The following CTNNA3 variants were observed in gnomAD, a reference collection of about 807,000 sequenced individuals.
CTNNA3 encodes the protein catenin alpha 3.
A neutral mutation model predicts 95.7 loss-of-function variants in CTNNA3; 76 were observed. The observed-to-expected ratio is 0.79, with a 90% CI of 0.66 to 0.96. The LOEUF (loss-of-function observed/expected upper bound fraction) is 0.96, where lower values mean the gene tolerates loss of function less well. Ranked by LOEUF, CTNNA3 falls within the 40% of genes least tolerant of loss-of-function variation. The pLI, the probability that CTNNA3 is intolerant of heterozygous loss-of-function variation, is 0.00. For synonymous variants in CTNNA3, 431 were observed against 374.4 expected (o/e 1.15, Z -1.74); for missense variants, 1,191 against 1,089.8 (o/e 1.09, Z -1.31).
In CTNNA3 at chr10:67,691,876, C is replaced by T. The variant is rs367574513; in HGVS notation, c.-6+4124G>A. ...CCTCTGCCTGGCCAGCTGCCCCGTC[C>T]GGGAGGGAGGTGGGGGGGTCAGCCC... On this transcript the variant is annotated intron_variant, in intron 1 of 17. Coordinates refer to ENST00000433211, the MANE Select transcript of CTNNA3 (RefSeq NM_013266.4). 0.028 allele frequency among the ~76,000 whole-genome samples: 4,195 copies of T among 148,070 alleles called. 404 individuals are homozygous for T. The East Asian group carries it at 0.4, about 14-fold the overall frequency.
intron 9 of CTNNA3, among the ~76,000 whole-genome samples, chr10:66,681,404 T>C (rs989276826): frequency 6.6e-6 from 1 of 152,106 alleles, no homozygotes; most frequent in Non-Finnish European, 1.5e-5. Context: ...GCTCATTAGA[T>C]TCAAAATAGG....
At chr10:66,313,567 C>A (rs1053781107) in intron 12 of CTNNA3, among the ~76,000 whole-genome samples, 4 of 152,168 alleles carry the variant, frequency 2.6e-5, no homozygotes, top group African/African-American at 9.7e-5. Context: ...TAACTCTCAT[C>A]CTAAATGTCA....
intron 11 of CTNNA3, among the ~76,000 whole-genome samples, chr10:66,472,010 T>G (rs1839152768): frequency 6.6e-6 from 1 of 152,038 alleles, no homozygotes; most frequent in Non-Finnish European, 1.5e-5. Flanking sequence ...GCATTTGCTA[T>G]TTAGTTCATT....
chr10:67,279,403 C>T (rs567528293), intron 5 of CTNNA3, among the ~76,000 whole-genome samples: 2 of 152,112 alleles, frequency 1.3e-5, no homozygotes, highest in Non-Finnish European at 2.9e-5. Context: ...ATAAAATCAC[C>T]GAAACAGTCT....
At chr10:66,701,406 G>C (rs75198951) in intron 9 of CTNNA3, among the ~76,000 whole-genome samples, 11,813 of 152,142 alleles carry the variant, frequency 0.078, 509 homozygotes, top group Middle Eastern at 0.13. Flanking sequence ...TTGGGATTTT[G>C]ATCTGGACTC....
intron 7 of CTNNA3, among the ~76,000 whole-genome samples, chr10:66,783,514 C>A (rs529409587): frequency 1.3e-5 from 2 of 152,224 alleles, no homozygotes; most frequent in African/African-American, 2.4e-5. Context: ...CCTGACCCAG[C>A]AGCCAGCTTT....
At chr10:67,194,255 C>T (rs894197271) in intron 6 of CTNNA3, among the ~76,000 whole-genome samples, 3 of 152,014 alleles carry the variant, frequency 2.0e-5, no homozygotes, top group Admixed American at 6.6e-5. Flanking sequence ...CACACAAAAA[C>T]CTTCACATGG....
chr10:67,060,050 T>G (rs1432458697), intron 7 of CTNNA3, among the ~76,000 whole-genome samples: 1 of 152,090 alleles, frequency 6.6e-6, no homozygotes, highest in East Asian at 1.9e-4. Flanking sequence ...ACACAATGAC[T>G]CACACCTGTA....
chr10:67,613,192 C>T (rs1420560418), intron 2 of CTNNA3, among the ~76,000 whole-genome samples: 4 of 152,144 alleles, frequency 2.6e-5, no homozygotes, highest in Admixed American at 2.0e-4. Flanking sequence ...GACTCCCTCC[C>T]CTCACAGCTC....
Position 67,443,173 on chromosome 10 carries a change from A to C in CTNNA3, c.579+78669T>G, listed in dbSNP as rs2132938789. On this transcript the variant is annotated intron_variant, in intron 5 of 17. Transcript: ENST00000433211. ...GTATTCCATGGTGTATATGTGCCAC[A>C]TTTTCTTAATCCAGTCTATCGTTGT... Among the ~76,000 whole-genome samples the C allele has an allele frequency of 2.0e-5, 3 of 149,696 alleles. No homozygotes were observed. The South Asian group carries it at 6.4e-4, about 32-fold the overall frequency.
At chr10:67,730,314 T>G (rs2133631437) in intron 1 of CTNNA3, among the ~76,000 whole-genome samples, 1 of 149,620 alleles carries the variant, frequency 6.7e-6, no homozygotes, top group South Asian at 2.1e-4. Context: ...GGACCTTTCC[T>G]TGGGCATTTT....
intron 9 of CTNNA3, among the ~76,000 whole-genome samples, chr10:66,680,399 T>C (rs541808204): frequency 6.6e-6 from 1 of 152,124 alleles, no homozygotes; most frequent in South Asian, 2.1e-4. Flanking sequence ...ATTATATCCA[T>C]CAATGTAAGG....
intron 7 of CTNNA3, among the ~76,000 whole-genome samples, chr10:67,047,883 AC>A (rs1237523459): frequency 6.6e-6 from 1 of 152,088 alleles, no homozygotes; most frequent in African/African-American, 2.4e-5. Context: ...AAACAAAAAA[AC>A]AAAACAAAAG....
chr10:65,960,894 A>T (rs1289017596), intron 17 of CTNNA3, among the ~76,000 whole-genome samples: 1 of 152,230 alleles, frequency 6.6e-6, no homozygotes, highest in African/African-American at 2.4e-5. Flanking sequence ...GTGTATATGT[A>T]CCACATTTTC....
At chr10:67,715,046 T>A (rs1171018865) in intron 1 of CTNNA3, among the ~76,000 whole-genome samples, 2 of 152,204 alleles carry the variant, frequency 1.3e-5, no homozygotes, top group African/African-American at 4.8e-5. Context: ...AATACAGACC[T>A]CTTCCTGAGC....
rs3841706 is a variant in CTNNA3 at position 67,052,313 on chromosome 10, ACTCTCTCT to A, written c.1047+127996_1047+128003del. The stretch of plus-strand genomic sequence containing the variant: ...AGAAGAATCTTCACACCCACTCATC[ACTCTCTCT>A]CTCTCTCTCTCTCTCTCTCTCTCTC... On this transcript the variant is annotated intron_variant, in intron 7 of 17. Coordinates refer to ENST00000433211, the MANE Select transcript of CTNNA3 (RefSeq NM_013266.4). Among the ~76,000 whole-genome samples, 631 of 120,974 alleles carry A rather than the reference ACTCTCTCT, an allele frequency of 5.2e-3. 3 individuals are homozygous for A. The highest frequency in any genetic ancestry group is 7.4e-3 in the African/African-American group (222 of 30,136). 79.4% of individuals were successfully genotyped at this position (120,974 alleles called of 152,430 possible). A position where few individuals can be genotyped will look rare whatever the true frequency, so the allele number is the denominator to read the frequency against.
chr10:67,649,285 G>A (rs541737715), intron 1 of CTNNA3, among the ~76,000 whole-genome samples: 11 of 152,276 alleles, frequency 7.2e-5, no homozygotes, highest in South Asian at 2.1e-4. Context: ...TGAAATTCAC[G>A]ACTGGTTTCC....
chr10:66,469,610 G>C (rs186797779), intron 11 of CTNNA3, among the ~76,000 whole-genome samples: 3 of 151,986 alleles, frequency 2.0e-5, no homozygotes, highest in East Asian at 1.9e-4. Context: ...GTCTGTGCAT[G>C]AGAAGTTCAA....
chr10:67,726,961 A>ATT (rs1351856183), intron 1 of CTNNA3, among the ~76,000 whole-genome samples: 1 of 112,274 alleles, frequency 8.9e-6, no homozygotes, highest in Admixed American at 1.2e-4. Context: ...ATATTATATA[A>ATT]TTATATATAT....
Sources: allele counts gnomAD v4.1 joint callset (sites outside exome capture counted in the v4.1 genomes callset), GRCh38; gene constraint gnomAD v4.1.1; transcripts MANE v1.5; gene names NCBI Gene and HGNC (gene_info 2026-07-23, HGNC 2026-07-21).